CDKAL1: variants seen among roughly 807,000 people sequenced by gnomAD.
The protein encoded by CDKAL1 is threonylcarbamoyladenosine tRNA methylthiotransferase.
In CDKAL1, 32 loss-of-function variants were observed where a neutral mutation model predicts 68.2. The ratio of observed to expected loss-of-function variants is 0.47; its 90% CI spans 0.35 to 0.63. The LOEUF (loss-of-function observed/expected upper bound fraction) is 0.63. Among genes scored for constraint, CDKAL1 ranks in the 30% least tolerant of loss-of-function variants. The pLI, the probability that CDKAL1 is intolerant of heterozygous loss-of-function variation, is 0.00. For synonymous variants in CDKAL1, 234 were observed against 244.3 expected (o/e 0.96, Z 0.39); for missense variants, 606 against 696.7 (o/e 0.87, Z 1.47).
intron 11 of CDKAL1, among the ~76,000 whole-genome samples, chr6:21,051,009 A>G (rs1172362518): frequency 1.3e-5 from 2 of 152,194 alleles, no homozygotes; most frequent in South Asian, 4.1e-4. Context: ...GTTTCCTGAC[A>G]AATAGGATCA....
At chr6:20,841,527 G>A (rs1778173213) in intron 8 of CDKAL1, among the ~76,000 whole-genome samples, 2 of 152,164 alleles carry the variant, frequency 1.3e-5, no homozygotes, top group Admixed American at 6.5e-5. Flanking sequence ...TACACCCTTT[G>A]AAGTATTTTA....
At chr6:20,813,550 C>T (rs1304267507) in intron 8 of CDKAL1, among the ~76,000 whole-genome samples, 1 of 152,156 alleles carries the variant, frequency 6.6e-6, no homozygotes, top group Non-Finnish European at 1.5e-5. Flanking sequence ...TCCTGTTTGT[C>T]TTTTCTCCCT....
chr6:21,111,359 A>G (rs1052529890), intron 13 of CDKAL1, among the ~76,000 whole-genome samples: 1 of 152,236 alleles, frequency 6.6e-6, no homozygotes, highest in Non-Finnish European at 1.5e-5. Context: ...ATCCCAAATT[A>G]TAGTGGGTCA....
intron 5 of CDKAL1, among the ~76,000 whole-genome samples, chr6:20,659,110 C>G (rs920562190): frequency 6.6e-6 from 1 of 152,084 alleles, no homozygotes; most frequent in African/African-American, 2.4e-5. Flanking sequence ...TTGGGGATTA[C>G]AGGCATGAGC....
intron 5 of CDKAL1, among the ~76,000 whole-genome samples, chr6:20,669,397 G>C (rs1184228357): frequency 2.0e-5 from 3 of 152,030 alleles, no homozygotes; most frequent in Non-Finnish European, 4.4e-5. Flanking sequence ...GTAGCCTCAT[G>C]GTTCTTTATT....
At chr6:20,634,161 G>A (rs935561293) in intron 4 of CDKAL1, among the ~76,000 whole-genome samples, 1 of 152,178 alleles carries the variant, frequency 6.6e-6, no homozygotes, top group African/African-American at 2.4e-5. Flanking sequence ...TGTTTTGGCA[G>A]TTTGCTAGTG....
chr6:20,774,656 G>A (rs1319232128), intron 7 of CDKAL1, among the ~76,000 whole-genome samples: 1 of 152,176 alleles, frequency 6.6e-6, no homozygotes, highest in Admixed American at 6.5e-5. Flanking sequence ...AATATACAGT[G>A]CCTTGGTTTC....
At chr6:20,955,998 C>T (rs1764757535) in intron 10 of CDKAL1, among the ~76,000 whole-genome samples, 1 of 152,170 alleles carries the variant, frequency 6.6e-6, no homozygotes, top group Non-Finnish European at 1.5e-5. Context: ...AGAAAAGGGA[C>T]TGTGCTTGAA....
intron 13 of CDKAL1, among the ~76,000 whole-genome samples, chr6:21,120,485 AG>A (rs1247088609): frequency 1.3e-5 from 2 of 152,212 alleles, no homozygotes; most frequent in African/African-American, 2.4e-5. Flanking sequence ...TTATAAATTA[AG>A]TAATACATGC....
intron 6 of CDKAL1, among the ~76,000 whole-genome samples, chr6:20,743,055 T>C (rs1057196054): frequency 6.6e-6 from 1 of 152,108 alleles, no homozygotes; most frequent in African/African-American, 2.4e-5. Context: ...TGAGTTACAG[T>C]GAAATAAAGA....
intron 8 of CDKAL1, among the ~76,000 whole-genome samples, chr6:20,799,538 G>C (rs1242738224): frequency 2.0e-5 from 3 of 152,126 alleles, no homozygotes; most frequent in African/African-American, 7.2e-5. Context: ...GCAGGATTAT[G>C]TCGTGATTTG....
At chr6:20,870,153 T>G (rs1467518395) in intron 9 of CDKAL1, among the ~76,000 whole-genome samples, 1 of 152,196 alleles carries the variant, frequency 6.6e-6, no homozygotes, top group Non-Finnish European at 1.5e-5. Flanking sequence ...ACATGAATGC[T>G]CCCTGTGATG....
At chr6:20,829,641 T>C (rs1198552328) in intron 8 of CDKAL1, among the ~76,000 whole-genome samples, 2 of 152,172 alleles carry the variant, frequency 1.3e-5, no homozygotes, top group Non-Finnish European at 2.9e-5. Flanking sequence ...TTTCAAGCTC[T>C]CCAAAAGATT....
At chr6:20,938,359 C>T (rs1405184096) in intron 9 of CDKAL1, among the ~76,000 whole-genome samples, 8 of 152,056 alleles carry the variant, frequency 5.3e-5, no homozygotes, top group Admixed American at 5.2e-4. Context: ...AATTCTTATA[C>T]TTTATGTTGG....
intron 3 of CDKAL1, 78 bp downstream of exon 3, chr6:20,546,601 T>C (rs1432796365): frequency 8.5e-7 from 1 of 1,181,210 alleles, no homozygotes; most frequent in Non-Finnish European, 1.2e-6. Flanking sequence ...TCGCCCAGGC[T>C]GGAGTGCAGT....
intron 9 of CDKAL1, among the ~76,000 whole-genome samples, chr6:20,893,093 G>A (rs1416033600): frequency 6.6e-6 from 1 of 152,146 alleles, no homozygotes; most frequent in Non-Finnish European, 1.5e-5. Flanking sequence ...CTGTAGGTGG[G>A]TCTGGAATGA....
chr6:21,208,204 G>A (rs1467350480), intron 15 of CDKAL1, among the ~76,000 whole-genome samples: 2 of 152,094 alleles, frequency 1.3e-5, no homozygotes, highest in African/African-American at 4.8e-5. Context: ...AGCCGACCGC[G>A]CTTGGAAAGG....
At chr6:20,616,903 G>A (rs1766938520) in intron 4 of CDKAL1, among the ~76,000 whole-genome samples, 1 of 140,872 alleles carries the variant, frequency 7.1e-6, no homozygotes, top group South Asian at 2.3e-4. Context: ...AGCTGGACAT[G>A]ATGGTGTGCA....
intron 7 of CDKAL1, among the ~76,000 whole-genome samples, chr6:20,776,354 C>G (rs1362290929): frequency 6.6e-6 from 1 of 152,184 alleles, no homozygotes; most frequent in African/African-American, 2.4e-5. Flanking sequence ...TGGAATCCAA[C>G]ATGCCAAATG....
Sources: allele counts gnomAD v4.1 joint callset (sites outside exome capture counted in the v4.1 genomes callset), GRCh38; gene constraint gnomAD v4.1.1; transcripts MANE v1.5; gene names NCBI Gene and HGNC (gene_info 2026-07-23, HGNC 2026-07-21).